The following DNAH8 variants were observed in gnomAD, a reference collection of about 807,000 sequenced individuals.
DNAH8 encodes dynein axonemal heavy chain 8, also known as axonemal beta dynein heavy chain 8.
A neutral mutation model predicts 562.1 loss-of-function variants in DNAH8; 382 were observed. That is an observed-to-expected ratio of 0.68 (90% CI 0.63 to 0.74). DNAH8 has a LOEUF of 0.74. Among genes scored for constraint, DNAH8 ranks in the 30% least tolerant of loss-of-function variants. The pLI is 0.00. For synonymous variants in DNAH8, 1,881 were observed against 1,919.4 expected (o/e 0.98, Z 0.52); for missense variants, 5,203 against 5,620.4 (o/e 0.93, Z 2.37).
intron 87 of DNAH8, among the ~76,000 whole-genome samples, chr6:38,987,674 C>T (rs958040149): frequency 2.6e-5 from 4 of 152,176 alleles, no homozygotes; most frequent in Non-Finnish European, 5.9e-5. Flanking sequence ...CAGGACTTCC[C>T]TAAGAGTGGC....
intron 88 of DNAH8, among the ~76,000 whole-genome samples, chr6:39,000,686 G>A (rs189022094): frequency 1.5e-3 from 225 of 152,306 alleles, no homozygotes; most frequent in African/African-American, 5.1e-3. Context: ...TTACATGATG[G>A]TGAGTTGTAT....
intron 32 of DNAH8, among the ~76,000 whole-genome samples, chr6:38,835,721 A>G (rs902593906): frequency 6.6e-6 from 1 of 152,042 alleles, no homozygotes; most frequent in Non-Finnish European, 1.5e-5. Context: ...ATGCGGTACT[A>G]AAGAGGATAG....
intron 42 of DNAH8, among the ~76,000 whole-genome samples, chr6:38,858,220 A>G (rs1776354258): frequency 6.6e-6 from 1 of 152,188 alleles, no homozygotes; most frequent in South Asian, 2.1e-4. Flanking sequence ...GACCAAGGCC[A>G]ACTTCTCCTA....
chr6:38,853,089 T>C, intron 40 of DNAH8, 97 bp from the exon 41 acceptor site: 1 of 909,628 alleles, frequency 1.1e-6, no homozygotes, highest in Non-Finnish European at 1.7e-6. Flanking sequence ...AACTGTTTGC[T>C]TGGCATAGGG....
chr6:39,018,739 G>A (rs1427295051), intron 91 of DNAH8, among the ~76,000 whole-genome samples: 3 of 152,192 alleles, frequency 2.0e-5, no homozygotes, highest in Admixed American at 1.3e-4. Context: ...GTGTGGAAGA[G>A]GGAAACCAGG....
chr6:38,746,936 G>GA (rs561648917), intron 8 of DNAH8, among the ~76,000 whole-genome samples: 20 of 148,110 alleles, frequency 1.4e-4, no homozygotes, highest in Middle Eastern at 3.4e-3. Context: ...TCTCAAAAAA[G>GA]AAAAAAAAAG....
At chr6:38,772,131 A>G (rs565898506) in intron 12 of DNAH8, among the ~76,000 whole-genome samples, 1 of 149,126 alleles carries the variant, frequency 6.7e-6, no homozygotes, top group African/African-American at 2.5e-5. Flanking sequence ...CGGGTTCACG[A>G]CATTCTCCTG....
chr6:38,999,346 G>A (rs1765332699), intron 88 of DNAH8, among the ~76,000 whole-genome samples: 1 of 151,888 alleles, frequency 6.6e-6, no homozygotes, highest in South Asian at 2.1e-4. Flanking sequence ...CTTCCACGGA[G>A]GGCTCAAGCT....
At position 38,951,352 on chromosome 6, in the gene DNAH8, A is replaced by G; in HGVS notation, c.12283A>G (p.Arg4095Gly). 6.2e-7 allele frequency: 1 copy of G among 1,614,214 alleles called. No individual in the cohort carries two copies. The highest frequency in any genetic ancestry group is 1.3e-5 in the African/African-American group (1 of 75,062). ...WCPDRTVFQA[R>G]KYIADSLEEK... is the part of the protein sequence containing the mutation. ...CCCAGACCGTACTGTTTTTCAAGCA[A>G]GAAAGTATATTGCAGATTCTTTGGA... Residue 4095 changes from arginine to glycine, a missense_variant, in exon 82 of 93, where the codon AGA becomes GGA. This residue lies in a region of DNAH8 where 1,399 missense variants were observed against 1,518.4 expected (regional missense o/e 0.92). Transcript: ENST00000327475.
Position 38,781,309 on chromosome 6 carries a change from C to T in DNAH8, c.2195C>T (p.Ala732Val). ...CTTGCTCGCAACATGCCCCCTATAG[C>T]AGGAAAAATACTCTGGGTGAGGCAG... ...PPLARNMPPI[A>V]GKILWVRQLY... Residue 732 changes from alanine to valine, a missense_variant, in exon 16 of 93, where the codon GCA becomes GTA. Physicochemically the swap from Ala to Val is moderately conservative, Grantham distance 64. This residue lies in a region of DNAH8 where 2,176 missense variants were observed against 2,365.1 expected (regional missense o/e 0.92). Coordinates refer to ENST00000327475, the MANE Select transcript of DNAH8 (RefSeq NM_001206927.2). 1 of 1,613,856 alleles carries T rather than the reference C, an allele frequency of 6.2e-7. No homozygotes were observed. Among genetic ancestry groups the T allele is most frequent in the Non-Finnish European group, 8.5e-7 (1 of 1,179,900 alleles).
At chr6:38,813,183 T>G (rs534134873) in intron 24 of DNAH8, among the ~76,000 whole-genome samples, 23 of 152,334 alleles carry the variant, frequency 1.5e-4, no homozygotes, top group Non-Finnish European at 2.6e-4. Flanking sequence ...AACTCTTTCT[T>G]ATTCTCAAAT....
chr6:38,773,548 T>G (rs982129803), intron 12 of DNAH8, among the ~76,000 whole-genome samples: 5 of 152,142 alleles, frequency 3.3e-5, no homozygotes, highest in African/African-American at 1.2e-4. Flanking sequence ...CAACCAGAGC[T>G]AAGGTAGCAC....
In DNAH8 at chr6:38,842,231, G is replaced by A. The variant is rs962424897; in HGVS notation, c.4467-137G>A. The A allele has an allele frequency of 5.6e-5, 33 of 585,098 alleles. No individual in the cohort carries two copies. In the East Asian group the frequency reaches 9.4e-4, roughly 17 times the overall value. 36.2% of individuals were successfully genotyped at this position (585,098 alleles called of 1,614,324 possible). A position where few individuals can be genotyped will look rare whatever the true frequency, so the allele number is the denominator to read the frequency against. On this transcript the variant is annotated intron_variant, in intron 33 of 92. Transcript: ENST00000327475. ...AGTCTTTGTATTGAAAATGGATATA[G>A]TTGTATGCATTTGGTATCTATAAGA...
intron 40 of DNAH8, 141 bp from the exon 41 acceptor site, chr6:38,853,045 T>A: frequency 1.4e-6 from 1 of 704,790 alleles, no homozygotes; most frequent in Non-Finnish European, 2.3e-6. Context: ...TAGGTGATTT[T>A]ACCCATATTT....
At chr6:38,778,095 T>C (rs1768240385) in intron 13 of DNAH8, among the ~76,000 whole-genome samples, 1 of 152,240 alleles carries the variant, frequency 6.6e-6, no homozygotes, top group African/African-American at 2.4e-5. Context: ...GTCATTAATA[T>C]GAAATCTTTA....
At chr6:38,836,779 G>A (rs940086140) in intron 32 of DNAH8, among the ~76,000 whole-genome samples, 9 of 152,050 alleles carry the variant, frequency 5.9e-5, no homozygotes, top group Admixed American at 2.0e-4. Context: ...GCTCTCTCAT[G>A]CAAATTTATT....
chr6:38,956,028 G>A (rs1345241095), intron 82 of DNAH8, among the ~76,000 whole-genome samples: 1 of 152,208 alleles, frequency 6.6e-6, no homozygotes, highest in Non-Finnish European at 1.5e-5. Context: ...AGGCACACTA[G>A]TGTCTCAGTG....
intron 53 of DNAH8, among the ~76,000 whole-genome samples, chr6:38,882,675 CACATGTATCCCTGA>C (rs1778591447): frequency 6.6e-6 from 1 of 152,088 alleles, no homozygotes; most frequent in African/African-American, 2.4e-5. Flanking sequence ...AACAGACCTG[CACATGTATCCCTGA>C]ACCTGAAAGT....
At chr6:39,005,564 C>T (rs1013331183) in intron 88 of DNAH8, among the ~76,000 whole-genome samples, 3 of 152,114 alleles carry the variant, frequency 2.0e-5, no homozygotes, top group African/African-American at 4.8e-5. Flanking sequence ...ATTACATTGT[C>T]GTTTTAATTT....
Sources: gnomAD v4.1 joint callset for allele counts (sites outside exome capture counted in the v4.1 genomes callset) on GRCh38, gnomAD v4.1.1 for gene constraint, gnomAD v4.1.1 regional missense constraint, MANE v1.5 for transcripts, NCBI Gene and HGNC (gene_info 2026-07-23, HGNC 2026-07-21) for gene names.